ANO1: variants seen among roughly 807,000 people sequenced by gnomAD.
The protein encoded by ANO1 is anoctamin 1.
Under a neutral mutation model 124.0 loss-of-function variants are expected in ANO1, and 59 were observed. That is an observed-to-expected ratio of 0.48 (90% CI 0.39 to 0.59). The LOEUF is 0.59. Among genes scored for constraint, ANO1 ranks in the 20% least tolerant of loss-of-function variants. The pLI is 0.00. For synonymous variants in ANO1, 529 were observed against 532.0 expected (o/e 0.99, Z 0.08); for missense variants, 1,059 against 1,328.0 (o/e 0.80, Z 3.15).
At chr11:70,016,080 T>G in intron 1 of ANO1, among the ~76,000 whole-genome samples, 1 of 151,666 alleles carries the variant, frequency 6.6e-6, no homozygotes, top group Admixed American at 6.6e-5. Flanking sequence ...CAGGCTGGAG[T>G]GCAGTGGTGC....
At chr11:70,095,300 GAAAGA>G (rs1565193300) in intron 2 of ANO1, among the ~76,000 whole-genome samples, 23 of 63,520 alleles carry the variant, frequency 3.6e-4, no homozygotes, top group South Asian at 4.6e-4. Flanking sequence ...AGGAAGGAAG[GAAAGA>G]AAGAAAGAAA....
chr11:69,976,568 A>C, the ANO1 span, among the ~76,000 whole-genome samples: 1 of 138,612 alleles, frequency 7.2e-6, no homozygotes, highest in African/African-American at 2.7e-5. Context: ...AGAGAGAGAG[A>C]GATTAGGACA....
At chr11:70,149,606 C>T (rs377024276) in intron 11 of ANO1, 104 bp from the exon 12 acceptor site, 24 of 1,182,500 alleles carry the variant, frequency 2.0e-5, no homozygotes, top group East Asian at 1.6e-4. Flanking sequence ...GTGGAGATTG[C>T]GCCATTGCAC....
At chr11:70,152,638 C>T (rs370966359) in intron 13 of ANO1, among the ~76,000 whole-genome samples, 177 bp downstream of exon 13, 50 of 152,322 alleles carry the variant, frequency 3.3e-4, no homozygotes, top group African/African-American at 1.2e-3. Flanking sequence ...CTTCCAGCAC[C>T]CTTCGCTGAC....
Position 70,104,019 on chromosome 11 carries a change from C to T in ANO1, c.561C>T (p.Thr187=), listed in dbSNP as rs1225207051. ...TGCAGATGTACCACATTAATGAGAC[C>T]CGTGGCCTCCTGAAAAAAATCAACT... ...PTKKMYHINE[T]RGLLKKINSV... is the part of the protein sequence containing the mutation. Residue 187 remains threonine, a synonymous_variant, in exon 4 of 26, where the codon ACC becomes ACT. Transcript: ENST00000355303. The T allele has an allele frequency of 6.2e-7, 1 of 1,612,126 alleles. No homozygotes were observed. Among genetic ancestry groups the T allele is most frequent in the African/African-American group, 1.3e-5 (1 of 74,952 alleles).
chr11:70,069,862 T>C (rs890040680), intron 1 of ANO1, among the ~76,000 whole-genome samples: 18 of 152,172 alleles, frequency 1.2e-4, no homozygotes, highest in Admixed American at 7.2e-4. Flanking sequence ...ATGCATGCCA[T>C]TGGGGAGGAG....
chr11:70,125,637 CATTGAGA>C (rs1175555756), intron 9 of ANO1, among the ~76,000 whole-genome samples: 2 of 151,486 alleles, frequency 1.3e-5, no homozygotes, highest in African/African-American at 4.9e-5. Flanking sequence ...GAGGTCAGGA[CATTGAGA>C]CCATCCTGGC....
intron 1 of ANO1, among the ~76,000 whole-genome samples, chr11:70,070,678 T>C (rs1857848556): frequency 6.6e-6 from 1 of 152,152 alleles, no homozygotes; most frequent in Non-Finnish European, 1.5e-5. Context: ...TCCAAGTGAA[T>C]AAATGAATTG....
chr11:70,118,219 T>C (rs1287240475), intron 8 of ANO1, among the ~76,000 whole-genome samples: 10 of 150,034 alleles, frequency 6.7e-5, no homozygotes, highest in Admixed American at 1.3e-4. Context: ...CCTCCTCCAT[T>C]CTCCAGCCAC....
At chr11:70,007,585 CT>C (rs1322610611) in intron 1 of ANO1, among the ~76,000 whole-genome samples, 1 of 152,170 alleles carries the variant, frequency 6.6e-6, no homozygotes, top group Non-Finnish European at 1.5e-5. Context: ...CGGCCACCTC[CT>C]TTCTTTTTAA....
At chr11:70,001,067 C>T (rs1856374362) in intron 1 of ANO1, among the ~76,000 whole-genome samples, 1 of 152,222 alleles carries the variant, frequency 6.6e-6, no homozygotes, top group African/African-American at 2.4e-5. Flanking sequence ...ACCCCAATCC[C>T]TGCACAAGGG....
Position 70,131,978 on chromosome 11 carries a change from G to A in ANO1, c.1157G>A (p.Cys386Tyr). 1.2e-6 allele frequency: 2 copies of A among 1,610,528 alleles called. No homozygotes were observed. Among genetic ancestry groups the A allele is most frequent in the South Asian group, 1.1e-5 (1 of 90,882 alleles). ...ITMCPLCDKTCSYWKMSSACA... is the reference protein window; with the variant it reads ...ITMCPLCDKTYSYWKMSSACA... The stretch of plus-strand genomic sequence containing the variant: ...ATGTGCCCGCTTTGCGACAAGACCT[G>A]CAGCTACTGGAAGATGAGCTCAGCC... Residue 386 changes from cysteine to tyrosine, a missense_variant, in exon 11 of 26, where the codon TGC becomes TAC. Cys to Tyr is a radical substitution (Grantham distance 194). This residue lies in a region of ANO1 where 809 missense variants were observed against 1,094.9 expected (regional missense o/e 0.74). Coordinates refer to ENST00000355303, the MANE Select transcript of ANO1 (RefSeq NM_018043.7).
At chr11:69,992,815 C>A (rs550285903) in intron 1 of ANO1, among the ~76,000 whole-genome samples, 1 of 152,360 alleles carries the variant, frequency 6.6e-6, no homozygotes, top group South Asian at 2.1e-4. Flanking sequence ...TGGCCCTCAG[C>A]CTTCAGCACT....
chr11:70,084,568 G>A (rs1241240000), intron 1 of ANO1, among the ~76,000 whole-genome samples: 1 of 152,122 alleles, frequency 6.6e-6, no homozygotes, highest in Non-Finnish European at 1.5e-5. Context: ...GCCTCCCCCA[G>A]GCCTTGCAGC....
In ANO1 at chr11:70,188,588, AG is replaced by A. The variant is rs2049237087; in HGVS notation, c.*589del. On this transcript the variant is annotated 3_prime_UTR_variant, in exon 26 of 26. Transcript: ENST00000355303. ...GAAGTGCCTCATCCCTGAGCCACACAGGGGGCGTGGGAGCATCCCAGTTATC... is the reference window on the plus strand; with the variant it reads ...GAAGTGCCTCATCCCTGAGCCACACAGGGGCGTGGGAGCATCCCAGTTATC... The A allele has an allele frequency of 6.5e-6, 1 of 153,686 alleles. No homozygotes were observed. Among genetic ancestry groups the A allele is most frequent in the Non-Finnish European group, 1.4e-5 (1 of 69,150 alleles). 9.5% of individuals were successfully genotyped at this position (153,686 alleles called of 1,614,324 possible).
rs1370711695 is a variant in ANO1, at chr11:70,189,315, A to G, written c.*1311A>G. The G allele has an allele frequency of 6.6e-6, 1 of 152,636 alleles. No individual in the cohort carries two copies. Among genetic ancestry groups the G allele is most frequent in the Non-Finnish European group, 1.5e-5 (1 of 68,044 alleles). 9.5% of individuals were successfully genotyped at this position (152,636 alleles called of 1,614,324 possible). On this transcript the variant is annotated 3_prime_UTR_variant, in exon 26 of 26. Transcript: ENST00000355303. ...TGGTCAAAGTTCATAGGTGTCGTACATTTCCATTATTTGCTAAAATCATGC... is the reference window on the plus strand; with the variant it reads ...TGGTCAAAGTTCATAGGTGTCGTACGTTTCCATTATTTGCTAAAATCATGC...
At chr11:70,018,399 T>A (rs1368517105) in intron 1 of ANO1, 1 of 152,114 alleles carries the variant, frequency 6.6e-6, no homozygotes, top group African/African-American at 2.4e-5. Flanking sequence ...TCCAGCATCA[T>A]GGATGGATGG....
intron 1 of ANO1, among the ~76,000 whole-genome samples, chr11:70,045,734 T>G (rs1857250708): frequency 6.6e-6 from 1 of 152,190 alleles, no homozygotes; most frequent in Non-Finnish European, 1.5e-5. Flanking sequence ...GAAAAGATGT[T>G]TCAAGATGAG....
intron 11 of ANO1, among the ~76,000 whole-genome samples, chr11:70,138,551 T>C (rs1482650577): frequency 2.0e-5 from 3 of 150,120 alleles, no homozygotes; most frequent in African/African-American, 7.3e-5. Context: ...TGAAGGTAGG[T>C]GAGCCTTATT....
Sources: gnomAD v4.1 joint callset for allele counts (sites outside exome capture counted in the v4.1 genomes callset) on GRCh38, gnomAD v4.1.1 for gene constraint, gnomAD v4.1.1 regional missense constraint, MANE v1.5 for transcripts, NCBI Gene and HGNC (gene_info 2026-07-23, HGNC 2026-07-21) for gene names.